Variants in SNW1 observed in about 807,000 individuals in gnomAD.
The protein encoded by SNW1 is SNW domain-containing protein 1.
Under a neutral mutation model 75.6 loss-of-function variants are expected in SNW1, and 9 were observed. That is an observed-to-expected ratio of 0.12 (90% CI 0.07 to 0.21). The LOEUF (loss-of-function observed/expected upper bound fraction) is 0.21. Among genes scored for constraint, SNW1 ranks in the 10% least tolerant of loss-of-function variants. The probability of loss-of-function intolerance (pLI) is 1.00; values close to 1 mark genes in which losing one functional copy is unlikely to be tolerated. For missense variants in SNW1, 409 were observed against 670.9 expected (o/e 0.61, Z 4.31); for synonymous variants, 200 against 219.1 (o/e 0.91, Z 0.77).
rs1481083687 is a variant in SNW1 at position 77,731,141 on chromosome 14, G to A, written c.892-12C>T. On this transcript the variant is annotated splice_polypyrimidine_tract_variant and intron_variant, in intron 9 of 13. Coordinates refer to ENST00000261531, the MANE Select transcript of SNW1 (RefSeq NM_012245.3). Reference sequence around the variant, plus strand: ...ACAGCTTCACGAGCCTGTTGGTAAAGTCACATGTTAAACAGGACACTATCA... The same window carrying A: ...ACAGCTTCACGAGCCTGTTGGTAAAATCACATGTTAAACAGGACACTATCA... 6.2e-7 allele frequency: 1 copy of A among 1,612,748 alleles called. No homozygotes were observed. The highest frequency in any genetic ancestry group is 8.5e-7 in the Non-Finnish European group (1 of 1,179,894).
chr14:77,754,306 A>T (rs920584051), intron 2 of SNW1, among the ~76,000 whole-genome samples: 4 of 152,030 alleles, frequency 2.6e-5, no homozygotes, highest in African/African-American at 9.7e-5. Flanking sequence ...GGCCTCCCAA[A>T]GTGCTGGGAT....
intron 8 of SNW1, among the ~76,000 whole-genome samples, chr14:77,733,732 G>A (rs552562817): frequency 4.8e-4 from 48 of 100,808 alleles, no homozygotes; most frequent in African/African-American, 1.8e-3. Context: ...GCAACAGAGC[G>A]AGACCGTCTC....
chr14:77,728,083 G>C (rs2080599707), intron 10 of SNW1, among the ~76,000 whole-genome samples: 2 of 151,308 alleles, frequency 1.3e-5, no homozygotes, highest in Middle Eastern at 3.4e-3. Flanking sequence ...GTAGAATCTA[G>C]GTGGTAGGAG....
At chr14:77,754,770 C>T (rs1255271620) in intron 2 of SNW1, among the ~76,000 whole-genome samples, 197 bp downstream of exon 2, 1 of 152,130 alleles carries the variant, frequency 6.6e-6, no homozygotes, top group Non-Finnish European at 1.5e-5. Context: ...CTAGTGACCA[C>T]AAAGCAGTGA....
At chr14:77,729,131 T>C (rs1245927408) in intron 10 of SNW1, among the ~76,000 whole-genome samples, 2 of 152,202 alleles carry the variant, frequency 1.3e-5, no homozygotes, top group African/African-American at 4.8e-5. Flanking sequence ...CTCTAGACTC[T>C]TGTAACCAAT....
intron 10 of SNW1, 194 bp downstream of exon 10, chr14:77,730,794 G>A: frequency 3.5e-6 from 2 of 565,876 alleles, no homozygotes; most frequent in Non-Finnish European, 6.0e-6. Context: ...CCAAACTGAA[G>A]ACCCACTTTT....
In SNW1 at chr14:77,742,074, CA is replaced by C. The variant is rs369164294; in HGVS notation, c.331-3014del. The stretch of plus-strand genomic sequence containing the variant: ...GAGACGAAGTCTTGCTCTTGTTGCC[CA>C]AGCTGGAGTGCAATGGCGTGATCTC... On this transcript the variant is annotated intron_variant, in intron 3 of 13. Transcript: ENST00000261531. Among the ~76,000 whole-genome samples, 229 of 152,054 alleles carry C rather than the reference CA, an allele frequency of 1.5e-3. 4 individuals carry two copies. The highest frequency in any genetic ancestry group is 5.3e-3 in the African/African-American group (218 of 41,478).
chr14:77,761,154 GACA>G, exon 1 of SNW1: 1 of 1,614,242 alleles, frequency 6.2e-7, no homozygotes, highest in South Asian at 1.1e-5. Context: ...CAGCGCGAGC[GACA>G]GCACCGCTGG....
intron 9 of SNW1, 46 bp from the exon 10 acceptor site, chr14:77,731,175 A>C (rs1198899888): frequency 6.3e-7 from 1 of 1,593,216 alleles, no homozygotes; most frequent in East Asian, 2.2e-5. Context: ...CATGGGATAA[A>C]TATTTATGGC....
intron 3 of SNW1, among the ~76,000 whole-genome samples, chr14:77,741,251 C>T (rs906722527): frequency 6.6e-6 from 1 of 151,966 alleles, no homozygotes; most frequent in Non-Finnish European, 1.5e-5. Flanking sequence ...CAGTGACTCA[C>T]GCCTGTAATC....
chr14:77,747,292 C>T (rs2080768214), intron 3 of SNW1, among the ~76,000 whole-genome samples: 1 of 152,188 alleles, frequency 6.6e-6, no homozygotes, highest in South Asian at 2.1e-4. Context: ...AGCCGCCTGC[C>T]TTGGCCTCCC....
intron 10 of SNW1, 32 bp from the exon 11 acceptor site, chr14:77,723,309 A>G (rs780466965): frequency 6.8e-7 from 1 of 1,471,780 alleles, no homozygotes; most frequent in Admixed American, 1.7e-5. Context: ...ACTTCACTGT[A>G]ATATGTATTA....
At chr14:77,731,220 G>T in intron 9 of SNW1, 91 bp from the exon 10 acceptor site, 1 of 1,348,882 alleles carries the variant, frequency 7.4e-7, no homozygotes, top group Non-Finnish European at 1.0e-6. Flanking sequence ...GCTGGTAAGA[G>T]CAATTATACA....
chr14:77,754,605 A>G (rs1443821438), intron 2 of SNW1, among the ~76,000 whole-genome samples: 3 of 151,796 alleles, frequency 2.0e-5, no homozygotes, highest in African/African-American at 7.3e-5. Context: ...ATCGGAGGGG[A>G]GGAGGAGGAG....
chr14:77,736,036 A>C, intron 6 of SNW1, 30 bp from the exon 7 acceptor site: 1 of 1,535,450 alleles, frequency 6.5e-7, no homozygotes, highest in Non-Finnish European at 9.0e-7. Flanking sequence ...CCAGAGAGTG[A>C]TATAGTTTCC....
intron 1 of SNW1, among the ~76,000 whole-genome samples, chr14:77,757,046 T>C (rs139036487): frequency 6.6e-6 from 1 of 152,288 alleles, no homozygotes; most frequent in East Asian, 1.9e-4. Context: ...TACAAAAGGA[T>C]CCTGATGGAT....
intron 10 of SNW1, among the ~76,000 whole-genome samples, chr14:77,730,431 G>A (rs2080619253): frequency 6.6e-6 from 1 of 151,924 alleles, no homozygotes; most frequent in Non-Finnish European, 1.5e-5. Context: ...ATGAATAAAT[G>A]TACCAGGTAA....
At chr14:77,720,429 C>T (rs1390182610) in intron 12 of SNW1, 3 of 689,202 alleles carry the variant, frequency 4.4e-6, no homozygotes, top group Non-Finnish European at 7.9e-6. Context: ...GCCACCATGC[C>T]TGGCCTCCCT....
intron 1 of SNW1, among the ~76,000 whole-genome samples, chr14:77,759,453 G>A (rs976656453): frequency 7.9e-5 from 12 of 152,174 alleles, no homozygotes; most frequent in Admixed American, 7.9e-4. Context: ...GGTTGAGGCT[G>A]CAGTGGGCTG....
Sources: allele counts gnomAD v4.1 joint callset (sites outside exome capture counted in the v4.1 genomes callset), GRCh38; gene constraint gnomAD v4.1.1; transcripts MANE v1.5; gene names NCBI Gene and HGNC (gene_info 2026-07-23, HGNC 2026-07-21).